The following NPAS2 variants were observed in gnomAD, a reference collection of about 807,000 sequenced individuals.
The protein encoded by NPAS2 is neuronal PAS domain protein 2.
Under a neutral mutation model 107.5 loss-of-function variants are expected in NPAS2, and 23 were observed. The observed-to-expected ratio is 0.21, with a 90% CI of 0.15 to 0.30. The LOEUF (loss-of-function observed/expected upper bound fraction) is 0.30, where lower values mean the gene tolerates loss of function less well. Ranked by LOEUF, NPAS2 falls within the 10% of genes least tolerant of loss-of-function variation. The pLI, the probability that NPAS2 is intolerant of heterozygous loss-of-function variation, is 1.00. For synonymous variants in NPAS2, 403 were observed against 417.5 expected, an observed-to-expected ratio of 0.97 and a Z score of 0.42; for missense variants, 756 against 1,043.3, an observed-to-expected ratio of 0.72 and a Z score of 3.79.
chr2:100,930,544 A>G (rs555539747), intron 3 of NPAS2, among the ~76,000 whole-genome samples: 1 of 152,300 alleles, frequency 6.6e-6, no homozygotes, highest in South Asian at 2.1e-4. Flanking sequence ...GAAATTTGGA[A>G]ACCACTTTTA....
chr2:100,823,944 G>A (rs1676221223), intron 1 of NPAS2, among the ~76,000 whole-genome samples: 1 of 152,140 alleles, frequency 6.6e-6, no homozygotes, highest in African/African-American at 2.4e-5. Context: ...TTTGAAGTCA[G>A]ACAGACCTGG....
chr2:100,962,618 T>C (rs2105141474), intron 7 of NPAS2: 1 of 152,270 alleles, frequency 6.6e-6, no homozygotes, highest in African/African-American at 2.4e-5. Context: ...GTGCCCAGGG[T>C]CCCAAGGGAA....
intron 1 of NPAS2, among the ~76,000 whole-genome samples, chr2:100,904,133 G>C (rs779370087): frequency 1.3e-5 from 2 of 152,144 alleles, no homozygotes; most frequent in Admixed American, 6.5e-5. Context: ...AGAGGAGCTT[G>C]TGTGGTTTGA....
At chr2:100,848,669 C>A (rs1271848936) in intron 1 of NPAS2, among the ~76,000 whole-genome samples, 2 of 152,208 alleles carry the variant, frequency 1.3e-5, no homozygotes, top group African/African-American at 4.8e-5. Flanking sequence ...GAGAGCATTA[C>A]TTGCACAGTT....
intron 1 of NPAS2, among the ~76,000 whole-genome samples, chr2:100,891,947 G>A (rs983406481): frequency 2.6e-5 from 4 of 152,090 alleles, no homozygotes; most frequent in Admixed American, 1.3e-4. Flanking sequence ...GCCGAACAGC[G>A]GTTTCCAACA....
intron 4 of NPAS2, chr2:100,934,805 A>G: frequency 1.0e-6 from 1 of 985,286 alleles, no homozygotes; most frequent in Non-Finnish European, 1.2e-6. Context: ...GTCCAGTGCA[A>G]CCTTCCCATA....
At position 100,891,740 on chromosome 2, in the gene NPAS2, C is replaced by G. The variant is rs1681085745; in HGVS notation, c.-22-12993C>G. The stretch of plus-strand genomic sequence containing the variant: ...TATTTGAAACTCTTGATATTAAACC[C>G]AAGATTCCACAGTCTAGGTGTCCAA... On this transcript the variant is annotated intron_variant, in intron 1 of 20. Transcript: ENST00000335681. Among the ~76,000 whole-genome samples, 3 of 152,198 alleles carry G rather than the reference C, an allele frequency of 2.0e-5. No individual in the cohort carries two copies. In the South Asian group the frequency reaches 6.2e-4, roughly 31 times the overall value.
At chr2:100,834,490 AC>A (rs1676936806) in intron 1 of NPAS2, among the ~76,000 whole-genome samples, 1 of 152,140 alleles carries the variant, frequency 6.6e-6, no homozygotes, top group Non-Finnish European at 1.5e-5. Context: ...CGGACATCTG[AC>A]TTTTTTCAGA....
chr2:100,990,114 T>C, intron 17 of NPAS2, 142 bp from the exon 18 acceptor site: 1 of 752,600 alleles, frequency 1.3e-6, no homozygotes, highest in South Asian at 1.7e-5. Flanking sequence ...CAGTCACAGA[T>C]CAAAGTAATT....
intron 1 of NPAS2, among the ~76,000 whole-genome samples, chr2:100,887,159 C>G (rs532194518): frequency 1.5e-4 from 23 of 152,344 alleles, no homozygotes; most frequent in Admixed American, 1.4e-3. Flanking sequence ...GCATTAGCCT[C>G]CAGGTTTGTG....
rs1299936922 is a variant in NPAS2, at chr2:100,820,451, G to C, written c.-23+37G>C. The C allele has an allele frequency of 6.6e-6, 1 of 151,546 alleles. No individual in the cohort carries two copies. Among genetic ancestry groups the C allele is most frequent in the Non-Finnish European group, 1.5e-5 (1 of 67,880 alleles). The allele number at this position is 151,546 out of a possible 1,614,324, so 9.4% of individuals were successfully genotyped here. A position where few individuals can be genotyped will look rare whatever the true frequency, so the allele number is the denominator to read the frequency against. The stretch of plus-strand genomic sequence containing the variant: ...CGCCTAGGGGCGCGGGGGACCCAGG[G>C]TGGGTAGTACGTGCGCGCGGGGTCG... On this transcript the variant is annotated intron_variant, in intron 1 of 20. Transcript: ENST00000335681. The surrounding 1 kb of genome is among the most constrained non-coding windows in gnomAD (Gnocchi z 5.6).
chr2:100,860,879 G>GTTGT (rs753142925), intron 1 of NPAS2, among the ~76,000 whole-genome samples: 2 of 151,494 alleles, frequency 1.3e-5, no homozygotes, highest in African/African-American at 2.4e-5. Flanking sequence ...GTTTGTTGTT[G>GTTGT]TTGTTTGTTT....
At chr2:100,869,772 C>G (rs987089154) in intron 1 of NPAS2, among the ~76,000 whole-genome samples, 2 of 152,192 alleles carry the variant, frequency 1.3e-5, no homozygotes, top group Admixed American at 1.3e-4. Context: ...CTCTGGCCTC[C>G]TGCCTTATCC....
intron 1 of NPAS2, among the ~76,000 whole-genome samples, chr2:100,903,532 T>C (rs1031901048): frequency 6.6e-6 from 1 of 152,244 alleles, no homozygotes; most frequent in Non-Finnish European, 1.5e-5. Context: ...CAGAGAAAGA[T>C]TGATTGGCTC....
intron 2 of NPAS2, among the ~76,000 whole-genome samples, chr2:100,911,079 A>G (rs1011785410): frequency 6.6e-6 from 1 of 152,226 alleles, no homozygotes; most frequent in East Asian, 1.9e-4. Context: ...ATAATTGCGG[A>G]CTGTATGTTT....
rs1397908343 is a variant in NPAS2 at position 100,896,976 on chromosome 2, C to T, written c.-22-7757C>T. Among the ~76,000 whole-genome samples the T allele has an allele frequency of 4.6e-5, 7 of 152,270 alleles. No individual in the cohort carries two copies. In the East Asian group the frequency reaches 1.4e-3, roughly 29 times the overall value. ...ATAAAGAAAAGAGGTTTAATTGATC[C>T]ACAGTTCACATGGCTGAGGAGGCCG... On this transcript the variant is annotated intron_variant, in intron 1 of 20. Transcript: ENST00000335681.
intron 1 of NPAS2, among the ~76,000 whole-genome samples, chr2:100,873,679 GATATTATAAAGTGCTTACTTTC>G (rs141462037): frequency 0.067 from 10,241 of 151,946 alleles, 722 homozygotes; most frequent in East Asian, 0.34. Flanking sequence ...TTGTAACTAC[GATATTATAAAGTGCTTACTTTC>G]ATAGCAATGG....
intron 17 of NPAS2, chr2:100,988,735 GC>G (rs1677919292): frequency 9.9e-6 from 2 of 201,600 alleles, no homozygotes; most frequent in Non-Finnish European, 1.9e-5. Context: ...TCCTCCAGGC[GC>G]CCCCTGCTCC....
chr2:100,824,527 G>C (rs1300316846), intron 1 of NPAS2, among the ~76,000 whole-genome samples: 1 of 152,172 alleles, frequency 6.6e-6, no homozygotes, highest in Non-Finnish European at 1.5e-5. Flanking sequence ...CACTTTCCAG[G>C]ATCAAAGCCA....
Sources: allele counts gnomAD v4.1 joint callset (sites outside exome capture counted in the v4.1 genomes callset), GRCh38; gene constraint gnomAD v4.1.1; non-coding constraint Gnocchi (gnomAD v3.1); transcripts MANE v1.5; gene names NCBI Gene and HGNC (gene_info 2026-07-23, HGNC 2026-07-21).